The following AEN variants were observed in gnomAD, a reference collection of about 807,000 sequenced individuals.
AEN encodes apoptosis-enhancing nuclease.
Under a neutral mutation model 17.7 loss-of-function variants are expected in AEN, and 21 were observed. That is an observed-to-expected ratio of 1.19 (90% CI 0.84 to 1.71). The LOEUF (loss-of-function observed/expected upper bound fraction) is 1.71, where lower values mean the gene tolerates loss of function less well. Ranked by LOEUF, AEN falls within the 40% of genes most tolerant of loss-of-function variation. AEN has a pLI of 0.00. For missense variants in AEN, 462 were observed against 435.9 expected, an observed-to-expected ratio of 1.06 and a Z score of -0.53; for synonymous variants, 190 against 173.0, an observed-to-expected ratio of 1.10 and a Z score of -0.77.
At chr15:88,627,925 T>C (rs2057875323) in intron 2 of AEN, 1 of 152,176 alleles carries the variant, frequency 6.6e-6, no homozygotes, top group Admixed American at 6.5e-5. Context: ...TGGGTTATTC[T>C]TGGGATTAGG....
At chr15:88,614,448 A>G in the AEN span, among the ~76,000 whole-genome samples, 1 of 152,008 alleles carries the variant, frequency 6.6e-6, no homozygotes, top group East Asian at 1.9e-4. Context: ...TGATCCTACC[A>G]CCTTGGCTTC....
the AEN span, among the ~76,000 whole-genome samples, chr15:88,614,861 G>A: frequency 6.7e-6 from 1 of 149,694 alleles, no homozygotes. Context: ...AGCGTCTGTG[G>A]TGCTTTTTTG....
At chr15:88,627,461 T>TCTTC (rs758831214) in intron 2 of AEN, 2 of 146,054 alleles carry the variant, frequency 1.4e-5, no homozygotes, top group African/African-American at 2.5e-5. Flanking sequence ...TCTTGTTTCT[T>TCTTC]TTTTTTTTTT....
chr15:88,626,522 C>G lies in AEN; in HGVS notation c.313C>G (p.Pro105Ala). 2 of 1,614,188 alleles carry G rather than the reference C, an allele frequency of 1.2e-6. No homozygotes were observed. Among genetic ancestry groups the G allele is most frequent in the Non-Finnish European group, 1.7e-6 (2 of 1,180,038 alleles). ...RRPAPGKASG[P>A]LPSKCVAIDC... ...GCCTGCTCCCGGGAAAGCCTCAGGG[C>G]CCTTGCCCAGCAAGTGTGTGGCTAT... The change falls in exon 2 of 4, where the codon CCC becomes GCC. Residue 105 changes from proline to alanine, a missense_variant. Coordinates refer to ENST00000332810, the MANE Select transcript of AEN (RefSeq NM_022767.4).
upstream of AEN, among the ~76,000 whole-genome samples, chr15:88,620,130 C>T (rs2057770064): frequency 6.6e-6 from 1 of 152,054 alleles, no homozygotes; most frequent in Non-Finnish European, 1.5e-5. Flanking sequence ...GAAAGAGCTC[C>T]TAGCTTATTT....
At chr15:88,615,115 C>T in the AEN span, among the ~76,000 whole-genome samples, 3 of 152,134 alleles carry the variant, frequency 2.0e-5, no homozygotes, top group African/African-American at 7.2e-5. Context: ...CCGCCCACCT[C>T]GGCCTCCCAA....
chr15:88,629,735 C>G (rs1000586377), intron 3 of AEN, among the ~76,000 whole-genome samples: 10 of 152,326 alleles, frequency 6.6e-5, no homozygotes, highest in South Asian at 2.1e-4. Flanking sequence ...TCTCCCATCC[C>G]CTACTAGCAG....
intron 1 of AEN, among the ~76,000 whole-genome samples, chr15:88,624,021 C>A (rs2057819823): frequency 6.6e-6 from 1 of 152,234 alleles, no homozygotes; most frequent in Non-Finnish European, 1.5e-5. Context: ...TACTGTTGTA[C>A]ATGCACACAG....
At chr15:88,628,880 G>A in intron 2 of AEN, 1 of 236,866 alleles carries the variant, frequency 4.2e-6, no homozygotes. Flanking sequence ...CTTCCAGGCT[G>A]AGAGGAGAGC....
intron 1 of AEN, among the ~76,000 whole-genome samples, chr15:88,623,383 G>T (rs548747784): frequency 2.6e-5 from 4 of 152,194 alleles, no homozygotes; most frequent in Non-Finnish European, 4.4e-5. Context: ...CATCAAACCT[G>T]GCATTTCACC....
chr15:88,626,622 A>G lies in AEN; in HGVS notation c.413A>G (p.His138Arg), dbSNP rs2057858165. 6.2e-7 allele frequency: 1 copy of G among 1,613,970 alleles called. No individual in the cohort carries two copies. Among genetic ancestry groups the G allele is most frequent in the African/African-American group, 1.3e-5 (1 of 74,956 alleles). Residue 138 changes from histidine (H) to arginine (R), a missense_variant, in exon 2 of 4, where the codon CAT (histidine) becomes CGT (arginine). Coordinates refer to ENST00000332810, the MANE Select transcript of AEN (RefSeq NM_022767.4). Reference sequence around the variant, plus strand: ...GCCCGCTGTTCCATTGTGAGCTACCATGGCAATGTCCTCTATGACAAGTAC... The same window carrying G: ...GCCCGCTGTTCCATTGTGAGCTACCGTGGCAATGTCCTCTATGACAAGTAC... ...ELARCSIVSY[H>R]GNVLYDKYIR...
At chr15:88,616,098 G>GTTT in the AEN span, among the ~76,000 whole-genome samples, 5 of 150,354 alleles carry the variant, frequency 3.3e-5, no homozygotes, top group East Asian at 5.9e-4. Flanking sequence ...GGCGTTTTTT[G>GTTT]TTTTTTTTTC....
At chr15:88,625,937 TG>T (rs1193359722) in intron 1 of AEN, among the ~76,000 whole-genome samples, 1 of 152,232 alleles carries the variant, frequency 6.6e-6, no homozygotes, top group African/African-American at 2.4e-5. Flanking sequence ...AGTGATTCCA[TG>T]TAGTATTTAC....
At chr15:88,611,383 C>T in the AEN span, among the ~76,000 whole-genome samples, 1 of 149,366 alleles carries the variant, frequency 6.7e-6, no homozygotes, top group East Asian at 2.0e-4. Flanking sequence ...ATCACTTGAG[C>T]CCAGGAGTTC....
the AEN span, among the ~76,000 whole-genome samples, chr15:88,609,736 A>G: frequency 6.6e-6 from 1 of 152,172 alleles, no homozygotes; most frequent in African/African-American, 2.4e-5. Context: ...TAGAGCCCAG[A>G]ATTAAAGAAT....
At chr15:88,612,638 T>C in the AEN span, among the ~76,000 whole-genome samples, 3 of 151,834 alleles carry the variant, frequency 2.0e-5, no homozygotes, top group Non-Finnish European at 4.4e-5. Context: ...AGTCTCACTC[T>C]GTCCCAGGCT....
chr15:88,615,858 A>G, the AEN span, among the ~76,000 whole-genome samples: 1 of 152,252 alleles, frequency 6.6e-6, no homozygotes, highest in South Asian at 2.1e-4. Context: ...GTACCCCCAA[A>G]AAGTCCTCAG....
chr15:88,619,472 G>A (rs1228896541), upstream of AEN, among the ~76,000 whole-genome samples: 3 of 152,118 alleles, frequency 2.0e-5, no homozygotes, highest in African/African-American at 4.8e-5. Context: ...GGTGGATCAC[G>A]AGGTCGGGAG....
upstream of AEN, chr15:88,621,203 C>G (rs924275890): frequency 3.9e-5 from 6 of 152,316 alleles, no homozygotes; most frequent in African/African-American, 1.4e-4. Flanking sequence ...CCCTCCCCTT[C>G]TGCTCTCGCC....
Sources: gnomAD v4.1 joint callset for allele counts (sites outside exome capture counted in the v4.1 genomes callset) on GRCh38, gnomAD v4.1.1 for gene constraint, MANE v1.5 for transcripts, NCBI Gene and HGNC (gene_info 2026-07-23, HGNC 2026-07-21) for gene names.